The following RELCH variants were observed in gnomAD, a reference collection of about 807,000 sequenced individuals.
RELCH encodes the protein RAB11 binding and LisH domain, coiled-coil and HEAT repeat containing, also known as RAB11-binding protein RELCH.
A neutral mutation model predicts 150.3 loss-of-function variants in RELCH; 41 were observed. The observed-to-expected ratio is 0.27, with a 90% CI of 0.21 to 0.35. RELCH has a LOEUF of 0.35. RELCH is among the 10% of genes least tolerant of loss of function. RELCH has a pLI of 1.00. For missense variants in RELCH, 1,092 were observed against 1,467.8 expected, an observed-to-expected ratio of 0.74 and a Z score of 4.18; for synonymous variants, 478 against 531.8, an observed-to-expected ratio of 0.90 and a Z score of 1.39.
chr18:62,249,066 TAATG>T (rs1369783510), intron 11 of RELCH, among the ~76,000 whole-genome samples: 1 of 152,196 alleles, frequency 6.6e-6, no homozygotes, highest in Non-Finnish European at 1.5e-5. Flanking sequence ...ATTTTTATCT[TAATG>T]AAAAAATGAT....
chr18:62,280,441 T>C (rs1788089969), intron 23 of RELCH: 1 of 1,613,438 alleles, frequency 6.2e-7, no homozygotes, highest in Admixed American at 1.7e-5. Context: ...TGATCCTGAA[T>C]TGTGAGTTTC....
chr18:62,187,489 A>C lies in RELCH; in HGVS notation c.-17A>C. On this transcript the variant is annotated 5_prime_UTR_variant, in exon 1 of 29. Coordinates refer to ENST00000644646, the MANE Select transcript of RELCH (RefSeq NM_001346231.2). ...CGGAACCAGTCAGGGAGGCGCCCAC[A>C]CTCCTGACAGGATAAGATGGCGGCG... 2 of 1,500,626 alleles carry C rather than the reference A, an allele frequency of 1.3e-6. No individual in the cohort carries two copies. The highest frequency in any genetic ancestry group is 8.9e-7 in the Non-Finnish European group (1 of 1,124,922). 93.0% of individuals were successfully genotyped at this position (1,500,626 alleles called of 1,614,324 possible).
intron 20 of RELCH, among the ~76,000 whole-genome samples, chr18:62,272,492 A>G (rs2043958114): frequency 6.6e-6 from 1 of 152,160 alleles, no homozygotes; most frequent in African/African-American, 2.4e-5. Flanking sequence ...AAGTCTAAAT[A>G]TGTTATTCAT....
chr18:62,288,406 T>C (rs891875135), intron 26 of RELCH, among the ~76,000 whole-genome samples: 4 of 152,110 alleles, frequency 2.6e-5, no homozygotes, highest in Non-Finnish European at 5.9e-5. Context: ...AAATATGCCA[T>C]AAAATATTAC....
intron 13 of RELCH, among the ~76,000 whole-genome samples, chr18:62,257,423 TTTTAGG>T: frequency 6.6e-6 from 1 of 152,116 alleles, no homozygotes; most frequent in East Asian, 1.9e-4. Context: ...AATGCCAGGA[TTTTAGG>T]TTTCCTCACC....
intron 28 of RELCH, among the ~76,000 whole-genome samples, chr18:62,301,175 A>G (rs1037397067): frequency 7.2e-5 from 11 of 152,202 alleles, no homozygotes; most frequent in African/African-American, 2.4e-4. Context: ...CAAAATGACA[A>G]AAGTTACAGA....
intron 25 of RELCH, 80 bp from the exon 26 acceptor site, chr18:62,287,271 G>A (rs1361768158): frequency 1.4e-6 from 1 of 721,970 alleles, no homozygotes; most frequent in Non-Finnish European, 2.5e-6. Flanking sequence ...AAATTAAAGT[G>A]ATAAATTATT....
chr18:62,244,700 G>T, intron 10 of RELCH, 64 bp from the exon 11 acceptor site: 1 of 1,028,012 alleles, frequency 9.7e-7, no homozygotes, highest in South Asian at 1.3e-5. Flanking sequence ...GAATATTGTG[G>T]AGGAAAAAAG....
chr18:62,227,073 G>T lies in RELCH; in HGVS notation c.859-216G>T, dbSNP rs184643106. Among the ~76,000 whole-genome samples, 434 of 151,564 alleles carry T rather than the reference G, an allele frequency of 2.9e-3. 2 individuals carry two copies. Among genetic ancestry groups the T allele is most frequent in the African/African-American group, 1.0e-2 (412 of 41,338 alleles). ...TTCGGCACAGTGGCGGGTGCTTGTA[G>T]TTCCAGCTACTTGGGAGGCTGAGGT... On this transcript the variant is annotated intron_variant, in intron 5 of 28. Transcript: ENST00000644646.
rs1323612864 is a variant in RELCH, at chr18:62,306,008, G to C, written c.*474G>C. ...TTATTGTTTCTTAACTGACTAGAAA[G>C]AGCCACCAGCATTACTCTGTGCCTT... On this transcript the variant is annotated 3_prime_UTR_variant, in exon 29 of 29. Transcript: ENST00000644646. The C allele has an allele frequency of 6.6e-6, 1 of 152,626 alleles. No individual in the cohort carries two copies. The highest frequency in any genetic ancestry group is 1.5e-5 in the Non-Finnish European group (1 of 68,066). The allele number at this position is 152,626 out of a possible 1,614,324, so 9.5% of individuals were successfully genotyped here. A position where few individuals can be genotyped will look rare whatever the true frequency, so the allele number is the denominator to read the frequency against.
chr18:62,236,446 G>A, intron 10 of RELCH, among the ~76,000 whole-genome samples: 1 of 151,758 alleles, frequency 6.6e-6, no homozygotes, highest in South Asian at 2.1e-4. Context: ...ATTTGGTATT[G>A]GTTTTGGTAT....
intron 26 of RELCH, among the ~76,000 whole-genome samples, chr18:62,290,828 G>A: frequency 6.6e-6 from 1 of 152,172 alleles, no homozygotes; most frequent in East Asian, 1.9e-4. Context: ...CAGTTTAACA[G>A]GATGGTTAAA....
intron 2 of RELCH, among the ~76,000 whole-genome samples, chr18:62,220,330 G>T (rs1038571084): frequency 6.7e-6 from 1 of 149,742 alleles, no homozygotes; most frequent in Non-Finnish European, 1.5e-5. Context: ...CTATCCTGTG[G>T]CTCTAAATGA....
At chr18:62,231,650 T>A (rs939723776) in intron 9 of RELCH, among the ~76,000 whole-genome samples, 1 of 152,102 alleles carries the variant, frequency 6.6e-6, no homozygotes, top group Non-Finnish European at 1.5e-5. Flanking sequence ...TGTCCAATAG[T>A]TGAGTTTATT....
rs1168928618 is a variant in RELCH at position 62,305,098 on chromosome 18, C to G, written c.3531-316C>G. On this transcript the variant is annotated intron_variant, in intron 28 of 28. Coordinates refer to ENST00000644646, the MANE Select transcript of RELCH (RefSeq NM_001346231.2). The surrounding 1 kb of genome is among the most constrained non-coding windows in gnomAD (Gnocchi z 4.0). ...GTTGTGTTAATATAATCCTAATAAC[C>G]CTAGGAGGCAAATACTAGAATCATC... 6.6e-6 allele frequency among the ~76,000 whole-genome samples: 1 copy of G among 152,074 alleles called. No individual in the cohort carries two copies. Among genetic ancestry groups the G allele is most frequent in the African/African-American group, 2.4e-5 (1 of 41,402 alleles).
Position 62,277,786 on chromosome 18 carries a change from A to G in RELCH, c.2968-1988A>G, listed in dbSNP as rs2044293908. On this transcript the variant is annotated intron_variant, in intron 22 of 28. Transcript: ENST00000644646. ...TATAAATTACTTTTTGAAGTAGCAAATTAATAAAATTATTTTATAAGAGGA... is the reference window on the plus strand; with the variant it reads ...TATAAATTACTTTTTGAAGTAGCAAGTTAATAAAATTATTTTATAAGAGGA... 8 of 812,878 alleles carry G rather than the reference A, an allele frequency of 9.8e-6. No individual in the cohort carries two copies. In the South Asian group the frequency reaches 3.9e-4, roughly 40 times the overall value. The allele number at this position is 812,878 out of a possible 1,614,324, so 50.4% of individuals were successfully genotyped here.
intron 11 of RELCH, among the ~76,000 whole-genome samples, chr18:62,250,687 G>A (rs561820917): frequency 1.8e-4 from 27 of 152,290 alleles, no homozygotes; most frequent in Non-Finnish European, 3.4e-4. Flanking sequence ...TTGGCTCACC[G>A]TTTCCCCCAG....
chr18:62,261,771 A>T lies in RELCH; in HGVS notation c.2350+113A>T, dbSNP rs534605362. ...CACTTTATATGACAGCATAATTTTT[A>T]AAATGTATTATGTGTGTAGAATCTC... On this transcript the variant is annotated intron_variant, in intron 16 of 28. Coordinates refer to ENST00000644646, the MANE Select transcript of RELCH (RefSeq NM_001346231.2). The T allele has an allele frequency of 1.5e-5, 13 of 857,380 alleles. No homozygotes were observed. The East Asian group carries it at 3.2e-4, about 21-fold the overall frequency. The allele number at this position is 857,380 out of a possible 1,614,324, so 53.1% of individuals were successfully genotyped here.
intron 15 of RELCH, 109 bp from the exon 16 acceptor site, chr18:62,261,402 G>C: frequency 3.2e-6 from 3 of 941,326 alleles, no homozygotes; most frequent in Non-Finnish European, 4.8e-6. Context: ...CCAACATAAA[G>C]GTCCTTAAAT....
Sources: gnomAD v4.1 joint callset for allele counts (sites outside exome capture counted in the v4.1 genomes callset) on GRCh38, gnomAD v4.1.1 for gene constraint, Gnocchi (gnomAD v3.1) non-coding constraint, MANE v1.5 for transcripts, NCBI Gene and HGNC (gene_info 2026-07-23, HGNC 2026-07-21) for gene names.